Variants in IER3IP1 observed in about 807,000 individuals in gnomAD.
IER3IP1 encodes the protein immediate early response 3 interacting protein 1, also known as immediate early response 3-interacting protein 1.
Under a neutral mutation model 12.2 loss-of-function variants are expected in IER3IP1, and 16 were observed. That is an observed-to-expected ratio of 1.31 (90% confidence interval 0.89 to 1.99). The LOEUF is 1.99. Ranked by LOEUF, IER3IP1 falls within the 30% of genes most tolerant of loss-of-function variation. The probability of loss-of-function intolerance (pLI) is 0.00; values close to 1 mark genes in which losing one functional copy is unlikely to be tolerated. For missense variants in IER3IP1, 95 were observed against 95.8 expected (o/e 0.99, Z 0.03); for synonymous variants, 42 against 40.0 (o/e 1.05, Z -0.19).
intron 1 of IER3IP1, among the ~76,000 whole-genome samples, chr18:47,173,061 A>G (rs904625376): frequency 1.5e-4 from 23 of 152,224 alleles, no homozygotes; most frequent in African/African-American, 5.1e-4. Context: ...TCAAATTTCA[A>G]TCTCCGCCCT....
chr18:47,166,295 A>G (rs768268937), intron 1 of IER3IP1, among the ~76,000 whole-genome samples: 26 of 152,202 alleles, frequency 1.7e-4, no homozygotes, highest in Non-Finnish European at 3.7e-4. Context: ...TGATTGACAG[A>G]ACTGTAAAGA....
chr18:47,169,624 C>T (rs2064008809), intron 1 of IER3IP1, among the ~76,000 whole-genome samples: 1 of 150,090 alleles, frequency 6.7e-6, no homozygotes, highest in Non-Finnish European at 1.5e-5. Flanking sequence ...TATTTATTAA[C>T]TTTTTTATTA....
rs2063952563 is a variant in IER3IP1 at position 47,154,827 on chromosome 18, G to A, written c.*1350C>T. 6.6e-6 allele frequency: 1 copy of A among 152,138 alleles called. No individual in the cohort carries two copies. Among genetic ancestry groups the A allele is most frequent in the Non-Finnish European group, 1.5e-5 (1 of 68,022 alleles). The allele number at this position is 152,138 out of a possible 1,614,324, so 9.4% of individuals were successfully genotyped here. ...CTCCATAGTTTTAGAAGTAACTGAA[G>A]TCATGAAATAAAAGGTGCTCATGAG... On this transcript the variant is annotated 3_prime_UTR_variant, in exon 3 of 3. Transcript: ENST00000256433.
At chr18:47,161,471 C>T (rs936110225) in intron 1 of IER3IP1, among the ~76,000 whole-genome samples, 5 of 152,182 alleles carry the variant, frequency 3.3e-5, no homozygotes, top group African/African-American at 1.2e-4. Context: ...AATAGATAAC[C>T]TTGTAATCTT....
At chr18:47,164,291 G>A (rs776910959) in intron 1 of IER3IP1, among the ~76,000 whole-genome samples, 1 of 151,824 alleles carries the variant, frequency 6.6e-6, no homozygotes, top group Non-Finnish European at 1.5e-5. Flanking sequence ...AAAAAAAAAT[G>A]GATGGAGAAT....
At chr18:47,162,537 G>A (rs1478760001) in intron 1 of IER3IP1, among the ~76,000 whole-genome samples, 1 of 152,108 alleles carries the variant, frequency 6.6e-6, no homozygotes, top group African/African-American at 2.4e-5. Flanking sequence ...ATCCCATCCA[G>A]GGATCAAGCA....
At chr18:47,175,311 C>A (rs1329942740) in intron 1 of IER3IP1, among the ~76,000 whole-genome samples, 1 of 152,196 alleles carries the variant, frequency 6.6e-6, no homozygotes, top group African/African-American at 2.4e-5. Context: ...TTTCTTGGAA[C>A]ATGAGTGTCT....
At chr18:47,176,135 G>T in intron 1 of IER3IP1, 52 bp downstream of exon 1, 2 of 1,473,414 alleles carry the variant, frequency 1.4e-6, no homozygotes, top group South Asian at 1.2e-5. Context: ...TAGGTTACGC[G>T]CCCCCGGGGA....
intron 1 of IER3IP1, among the ~76,000 whole-genome samples, chr18:47,175,095 T>C (rs985274924): frequency 2.0e-5 from 3 of 152,232 alleles, no homozygotes; most frequent in Non-Finnish European, 4.4e-5. Flanking sequence ...GCCTGGCACA[T>C]ACTTTGCACT....
intron 1 of IER3IP1, among the ~76,000 whole-genome samples, chr18:47,174,561 C>G (rs894040753): frequency 3.3e-5 from 5 of 151,578 alleles, no homozygotes; most frequent in African/African-American, 1.2e-4. Context: ...CCCAGCCATT[C>G]GGGAAGCTGA....
At chr18:47,166,299 G>A (rs146877859) in intron 1 of IER3IP1, among the ~76,000 whole-genome samples, 5 of 152,270 alleles carry the variant, frequency 3.3e-5, no homozygotes, top group African/African-American at 9.6e-5. Flanking sequence ...TGACAGAACT[G>A]TAAAGATAAG....
intron 1 of IER3IP1, among the ~76,000 whole-genome samples, chr18:47,175,182 T>A (rs924469281): frequency 2.0e-5 from 3 of 152,238 alleles, no homozygotes; most frequent in Non-Finnish European, 4.4e-5. Flanking sequence ...CAAACGGGCA[T>A]ACTTGGTACA....
In IER3IP1 at chr18:47,152,897, C is replaced by T. The variant is rs2063945432; in HGVS notation, c.*3280G>A. The T allele has an allele frequency of 6.6e-6, 1 of 152,168 alleles. No homozygotes were observed. Among genetic ancestry groups the T allele is most frequent in the Non-Finnish European group, 1.5e-5 (1 of 68,036 alleles). The allele number at this position is 152,168 out of a possible 1,614,324, so 9.4% of individuals were successfully genotyped here. On this transcript the variant is annotated 3_prime_UTR_variant, in exon 3 of 3. Transcript: ENST00000256433. The stretch of plus-strand genomic sequence containing the variant: ...TCTTTGGTTGAAGCACATCTAGATA[C>T]AAACATTAGTGATCTGGAAAAGATA...
In IER3IP1 at chr18:47,173,956, G is replaced by A. The variant is rs570050395; in HGVS notation, c.91+2231C>T. 2.8e-3 allele frequency among the ~76,000 whole-genome samples: 429 copies of A among 152,182 alleles called. 1 individual carries two copies. The highest frequency in any genetic ancestry group is 4.8e-3 in the Non-Finnish European group (325 of 68,014). ...CTCCAAATCTCTCTTTTCTTATAAG[G>A]GCACCAGTCATTGGCTCTAAAGCCC... On this transcript the variant is annotated intron_variant, in intron 1 of 2. Transcript: ENST00000256433.
chr18:47,176,140 C>A (rs763151073), intron 1 of IER3IP1, 47 bp downstream of exon 1: 2 of 1,502,088 alleles, frequency 1.3e-6, no homozygotes, highest in Non-Finnish European at 1.8e-6. Context: ...TACGCGCCCC[C>A]GGGGACTCCG....
chr18:47,156,661 G>A (rs781523228), intron 2 of IER3IP1, among the ~76,000 whole-genome samples: 4 of 152,082 alleles, frequency 2.6e-5, no homozygotes, highest in Non-Finnish European at 2.9e-5. Context: ...GTGAGTAAAG[G>A]GAGAAGAGGT....
chr18:47,172,815 A>T lies in IER3IP1; in HGVS notation c.91+3372T>A, dbSNP rs1243879043. 2.0e-5 allele frequency among the ~76,000 whole-genome samples: 3 copies of T among 152,200 alleles called. No individual in the cohort carries two copies. The highest frequency in any genetic ancestry group is 4.4e-5 in the Non-Finnish European group (3 of 68,036). ...CTACTCAGTAACATCCCACTGTTGT[A>T]GTATCTCTTCAAACACTTCCTGACT... On this transcript the variant is annotated intron_variant, in intron 1 of 2. Transcript: ENST00000256433. The surrounding 1 kb of genome is among the most constrained non-coding windows in gnomAD (Gnocchi z 4.0).
In IER3IP1 at chr18:47,155,514, T is replaced by C. The variant is rs548996218; in HGVS notation, c.*663A>G. ...AAAATCTGTAGACACTGGTCTGGTC[T>C]CATCATTCAGGCAAATTAATAAAAT... On this transcript the variant is annotated 3_prime_UTR_variant, in exon 3 of 3. Coordinates refer to ENST00000256433, the MANE Select transcript of IER3IP1 (RefSeq NM_016097.5). The C allele has an allele frequency of 3.3e-5, 5 of 152,334 alleles. No individual in the cohort carries two copies. The highest frequency in any genetic ancestry group is 7.3e-5 in the Non-Finnish European group (5 of 68,030). 9.4% of individuals were successfully genotyped at this position (152,334 alleles called of 1,614,324 possible). A position where few individuals can be genotyped will look rare whatever the true frequency, so the allele number is the denominator to read the frequency against.
chr18:47,159,349 T>A (rs532178865), intron 1 of IER3IP1, among the ~76,000 whole-genome samples: 1 of 152,328 alleles, frequency 6.6e-6, no homozygotes, highest in South Asian at 2.1e-4. Context: ...TTTTCACTAA[T>A]GCAGACAGAT....
Sources: gnomAD v4.1 joint callset for allele counts (sites outside exome capture counted in the v4.1 genomes callset) on GRCh38, gnomAD v4.1.1 for gene constraint, Gnocchi (gnomAD v3.1) non-coding constraint, MANE v1.5 for transcripts, NCBI Gene and HGNC (gene_info 2026-07-23, HGNC 2026-07-21) for gene names.